ME3: variants seen among roughly 807,000 people sequenced by gnomAD.
The protein encoded by ME3 is NADP-dependent malic enzyme, mitochondrial.
Under a neutral mutation model 68.9 loss-of-function variants are expected in ME3, and 48 were observed. That is an observed-to-expected ratio of 0.70 (90% CI 0.55 to 0.89). The LOEUF (loss-of-function observed/expected upper bound fraction) is 0.89, where lower values mean the gene tolerates loss of function less well. ME3 is among the 40% of genes least tolerant of loss of function. The pLI is 0.00. For missense variants in ME3, 675 were observed against 797.4 expected (o/e 0.85, Z 1.85); for synonymous variants, 320 against 318.8 (o/e 1.00, Z -0.04).
chr11:86,460,425 G>T (rs1298496167), intron 8 of ME3, among the ~76,000 whole-genome samples: 2 of 152,352 alleles, frequency 1.3e-5, no homozygotes, highest in East Asian at 3.9e-4. Context: ...CTCCTGCTCT[G>T]CACCAGGCAT....
chr11:86,656,417 C>T (rs1027015717), intron 2 of ME3, among the ~76,000 whole-genome samples: 19 of 151,866 alleles, frequency 1.3e-4, no homozygotes, highest in African/African-American at 4.6e-4. Flanking sequence ...TGCTATGCAG[C>T]CATAAAAATG....
intron 2 of ME3, among the ~76,000 whole-genome samples, chr11:86,632,680 G>A (rs576881569): frequency 2.6e-4 from 40 of 152,290 alleles, no homozygotes; most frequent in African/African-American, 9.1e-4. Context: ...GACAGCCTGC[G>A]CTGTGAAGGA....
intron 5 of ME3, among the ~76,000 whole-genome samples, chr11:86,505,581 C>T (rs1196812941): frequency 6.6e-6 from 1 of 152,142 alleles, no homozygotes; most frequent in East Asian, 1.9e-4. Flanking sequence ...AGGGAGCCCC[C>T]TCAGGCCCTG....
chr11:86,607,885 C>T (rs555874445), intron 2 of ME3, among the ~76,000 whole-genome samples: 43 of 152,042 alleles, frequency 2.8e-4, no homozygotes, highest in Non-Finnish European at 4.9e-4. Flanking sequence ...TGCCTTTTGA[C>T]CTTCAGAAAC....
chr11:86,441,298 A>T, exon 15 of ME3: 1 of 1,605,752 alleles, frequency 6.2e-7, no homozygotes, highest in Non-Finnish European at 8.5e-7. Context: ...CTGAACATTC[A>T]TGGCTTCCTT....
chr11:86,663,821 A>G (rs776901852), intron 2 of ME3, among the ~76,000 whole-genome samples: 1 of 152,250 alleles, frequency 6.6e-6, no homozygotes, highest in Non-Finnish European at 1.5e-5. Context: ...GATGAGCCTG[A>G]AAAAGTGTCC....
At chr11:86,562,925 T>C (rs970061547) in intron 2 of ME3, among the ~76,000 whole-genome samples, 2 of 152,138 alleles carry the variant, frequency 1.3e-5, no homozygotes, top group African/African-American at 4.8e-5. Context: ...ATGTGGTATT[T>C]GGATTTCTGT....
At chr11:86,506,627 G>A (rs1011396655) in intron 5 of ME3, among the ~76,000 whole-genome samples, 6 of 152,116 alleles carry the variant, frequency 3.9e-5, no homozygotes, top group Non-Finnish European at 5.9e-5. Context: ...CAAAAGCACC[G>A]AAAGTATTAG....
intron 2 of ME3, among the ~76,000 whole-genome samples, chr11:86,637,994 A>ACACACACACACC: frequency 6.6e-6 from 1 of 151,858 alleles, no homozygotes; most frequent in African/African-American, 2.4e-5. Flanking sequence ...ACACACACAC[A>ACACACACACACC]CACACACACA....
At chr11:86,453,214 GGTC>G (rs1285019807) in intron 8 of ME3, among the ~76,000 whole-genome samples, 3 of 152,126 alleles carry the variant, frequency 2.0e-5, no homozygotes, top group Non-Finnish European at 4.4e-5. Context: ...TGGCCAGGCT[GGTC>G]TCGAACTCCT....
chr11:86,625,391 A>G lies in ME3; in HGVS notation c.183+46371T>C, dbSNP rs75887733. On this transcript the variant is annotated intron_variant, in intron 2 of 14. Coordinates refer to ENST00000543262, the Ensembl canonical transcript of ME3. ...CATCAACATTTGTTCAAAATACAGG[A>G]ACAATGATGAATTTGCAGTGCCTCA... 4.7e-3 allele frequency among the ~76,000 whole-genome samples: 720 copies of G among 152,080 alleles called. 4 individuals are homozygous for G. Among genetic ancestry groups the G allele is most frequent in the African/African-American group, 0.016 (668 of 41,470 alleles).
chr11:86,576,905 A>G (rs72955433), intron 2 of ME3, among the ~76,000 whole-genome samples: 446 of 152,280 alleles, frequency 2.9e-3, no homozygotes, highest in Non-Finnish European at 4.8e-3. Context: ...CTCTGATTCT[A>G]TTCAAATTTG....
chr11:86,597,379 A>G (rs1330734081), intron 2 of ME3, among the ~76,000 whole-genome samples: 3 of 152,224 alleles, frequency 2.0e-5, no homozygotes, highest in East Asian at 1.9e-4. Context: ...ACTTCCACAC[A>G]TCTCCCTTGT....
intron 8 of ME3, among the ~76,000 whole-genome samples, chr11:86,463,678 T>A (rs1017078128): frequency 3.3e-5 from 5 of 152,228 alleles, no homozygotes; most frequent in African/African-American, 1.2e-4. Flanking sequence ...AATTTTCTAA[T>A]AGTGTGTTCT....
At chr11:86,655,174 A>G (rs565172465) in intron 2 of ME3, among the ~76,000 whole-genome samples, 1 of 152,362 alleles carries the variant, frequency 6.6e-6, no homozygotes, top group African/African-American at 2.4e-5. Context: ...CACACTGTCC[A>G]AGGTAATTTA....
At position 86,447,098 on chromosome 11, in the gene ME3, C is replaced by T. The variant is rs61744832; in HGVS notation, c.1347G>A (p.Glu449=). ...CCCGGTAGCACTTCTCAGCCGTGCA[C>T]TCGGCCTTGCTGGTGGGGTTGCTCA... The change falls in exon 12 of 15, where the codon GAG becomes GAA. Residue 449 remains glutamate (E), a synonymous_variant. Coordinates refer to ENST00000543262, the Ensembl canonical transcript of ME3. 55 of 1,614,094 alleles carry T rather than the reference C, an allele frequency of 3.4e-5. No homozygotes were observed. In the African/African-American group the frequency reaches 7.1e-4, roughly 21 times the overall value.
intron 4 of ME3, 147 bp from the exon 5 acceptor site, chr11:86,509,014 G>T: frequency 3.0e-6 from 2 of 657,954 alleles, no homozygotes; most frequent in Middle Eastern, 2.5e-4. Flanking sequence ...CAGCAGTTTA[G>T]AGGGTCATCC....
intron 2 of ME3, among the ~76,000 whole-genome samples, chr11:86,636,993 A>T (rs1432814604): frequency 6.6e-6 from 1 of 152,202 alleles, no homozygotes; most frequent in East Asian, 1.9e-4. Context: ...GATCTGGACA[A>T]GTGCGTTAAG....
intron 2 of ME3, among the ~76,000 whole-genome samples, chr11:86,560,631 CTTTAG>C (rs1462581981): frequency 1.3e-5 from 2 of 150,338 alleles, no homozygotes; most frequent in African/African-American, 2.5e-5. Flanking sequence ...TAACTAAAGC[CTTTAG>C]TTTATTCAGA....
Sources: gnomAD v4.1 joint callset for allele counts (sites outside exome capture counted in the v4.1 genomes callset) on GRCh38, gnomAD v4.1.1 for gene constraint, MANE v1.5 for transcripts, NCBI Gene and HGNC (gene_info 2026-07-23, HGNC 2026-07-21) for gene names.